The following GAS7 variants were observed in gnomAD, a reference collection of about 807,000 sequenced individuals.
GAS7 encodes growth arrest specific 7, also known as growth arrest-specific protein 7.
In GAS7, 28 loss-of-function variants were observed where a neutral mutation model predicts 71.1. That is an observed-to-expected ratio of 0.39 (90% CI 0.29 to 0.54). The LOEUF (loss-of-function observed/expected upper bound fraction) is 0.54, where lower values mean the gene tolerates loss of function less well. Ranked by LOEUF, GAS7 falls within the 20% of genes least tolerant of loss-of-function variation. The pLI, the probability that GAS7 is intolerant of heterozygous loss-of-function variation, is 0.62. For missense variants in GAS7, 436 were observed against 627.8 expected (o/e 0.69, Z 3.27); for synonymous variants, 258 against 245.8 (o/e 1.05, Z -0.46).
intron 5 of GAS7, among the ~76,000 whole-genome samples, chr17:9,955,267 TC>T (rs1219118577): frequency 6.6e-6 from 1 of 152,016 alleles, no homozygotes; most frequent in Non-Finnish European, 1.5e-5. Flanking sequence ...ATTCCTGTCC[TC>T]CCCCCGGTTA....
intron 1 of GAS7, among the ~76,000 whole-genome samples, chr17:10,183,263 A>G (rs551997299): frequency 1.3e-5 from 2 of 152,192 alleles, no homozygotes; most frequent in South Asian, 4.2e-4. Flanking sequence ...TGCATTTCAT[A>G]AGACTCACAA....
At chr17:10,114,040 G>A (rs919044943) in intron 1 of GAS7, among the ~76,000 whole-genome samples, 2 of 151,716 alleles carry the variant, frequency 1.3e-5, no homozygotes, top group Admixed American at 6.6e-5. Context: ...TCAGCCTCCC[G>A]AGTAGCTGGG....
At chr17:10,042,292 C>CAA (rs58391348) in intron 1 of GAS7, among the ~76,000 whole-genome samples, 1,031 of 95,358 alleles carry the variant, frequency 0.011, 17 homozygotes, top group East Asian at 0.087. Flanking sequence ...GAGACTCCGT[C>CAA]AAAAAAAAAA....
At chr17:9,987,155 T>G (rs2070680276) in intron 2 of GAS7, among the ~76,000 whole-genome samples, 1 of 152,244 alleles carries the variant, frequency 6.6e-6, no homozygotes. Context: ...TCCATCCCTG[T>G]GGTCTTAGGT....
chr17:10,005,344 CACAT>C (rs900530345), intron 2 of GAS7, among the ~76,000 whole-genome samples: 19 of 150,764 alleles, frequency 1.3e-4, no homozygotes, highest in Admixed American at 2.6e-4. Flanking sequence ...CACACACACA[CACAT>C]ATATATATAT....
chr17:10,137,202 T>A (rs1471257384), intron 1 of GAS7, among the ~76,000 whole-genome samples: 4 of 152,080 alleles, frequency 2.6e-5, no homozygotes, highest in Admixed American at 1.3e-4. Context: ...ATCACCGCCA[T>A]TCCTCAGGGT....
intron 4 of GAS7, among the ~76,000 whole-genome samples, chr17:9,960,610 C>T (rs1464052383): frequency 6.6e-6 from 1 of 152,192 alleles, no homozygotes; most frequent in Non-Finnish European, 1.5e-5. Context: ...GGGGGCACCC[C>T]GCCCCTCAGG....
At chr17:10,151,109 G>A (rs2074162620) in intron 1 of GAS7, among the ~76,000 whole-genome samples, 1 of 152,212 alleles carries the variant, frequency 6.6e-6, no homozygotes, top group South Asian at 2.1e-4. Context: ...GGCTGGTTCT[G>A]AGGTTCCCTG....
intron 1 of GAS7, among the ~76,000 whole-genome samples, chr17:10,150,591 C>CTTTTTCT (rs2074157755): frequency 1.7e-5 from 2 of 118,958 alleles, no homozygotes; most frequent in South Asian, 5.3e-4. Flanking sequence ...TGTTACATTT[C>CTTTTTCT]TTTTTTTTTT....
intron 1 of GAS7, among the ~76,000 whole-genome samples, chr17:10,152,014 C>A (rs2074170311): frequency 6.6e-6 from 1 of 152,190 alleles, no homozygotes; most frequent in Admixed American, 6.5e-5. Context: ...TAAGCCAACA[C>A]AAAGGAGGAT....
intron 1 of GAS7, among the ~76,000 whole-genome samples, chr17:10,094,815 G>A (rs1323958617): frequency 6.6e-6 from 1 of 152,070 alleles, no homozygotes; most frequent in Non-Finnish European, 1.5e-5. Flanking sequence ...GCCTCACGAG[G>A]GGATTAACAG....
In GAS7 at chr17:9,917,071, G is replaced by C; in HGVS notation, c.*157C>G. ...GCCTGGGAATATGGGGGAGCCCCCAGCTAGGCTGTCCGGGTCACCCTTCTG... is the reference window on the plus strand; with the variant it reads ...GCCTGGGAATATGGGGGAGCCCCCACCTAGGCTGTCCGGGTCACCCTTCTG... On this transcript the variant is annotated 3_prime_UTR_variant, in exon 14 of 14. Transcript: ENST00000432992. The C allele has an allele frequency of 1.6e-6, 1 of 618,822 alleles. No individual in the cohort carries two copies. Among genetic ancestry groups the C allele is most frequent in the South Asian group, 1.9e-5 (1 of 53,728 alleles). 38.3% of individuals were successfully genotyped at this position (618,822 alleles called of 1,614,324 possible). A position where few individuals can be genotyped will look rare whatever the true frequency, so the allele number is the denominator to read the frequency against.
intron 8 of GAS7, 69 bp downstream of exon 8, chr17:9,940,057 T>C (rs566654541): frequency 3.4e-6 from 3 of 887,966 alleles, no homozygotes; most frequent in East Asian, 2.4e-5. Flanking sequence ...TGATCAGTGA[T>C]AGTGGCTGAT....
chr17:9,969,057 C>A lies in GAS7; in HGVS notation c.471+620G>T, dbSNP rs541848716. On this transcript the variant is annotated intron_variant, in intron 4 of 13. Transcript: ENST00000432992. The surrounding 1 kb of genome is among the most constrained non-coding windows in gnomAD (Gnocchi z 5.5). ...CTGACATCAAGGTCCAGTCTAACCACTGAGTAATCCTGTGAGCCTGCACAG... is the reference window on the plus strand; with the variant it reads ...CTGACATCAAGGTCCAGTCTAACCAATGAGTAATCCTGTGAGCCTGCACAG... Among the ~76,000 whole-genome samples the A allele has an allele frequency of 6.0e-4, 92 of 152,340 alleles. No homozygotes were observed. Among genetic ancestry groups the A allele is most frequent in the Middle Eastern group, 6.8e-3 (2 of 294 alleles).
At chr17:10,140,824 C>G (rs566226001) in intron 1 of GAS7, among the ~76,000 whole-genome samples, 1 of 152,328 alleles carries the variant, frequency 6.6e-6, no homozygotes, top group South Asian at 2.1e-4. Context: ...TGCTACTCTG[C>G]CCCTCTAGGC....
At chr17:10,146,465 G>C (rs1336092682) in intron 1 of GAS7, among the ~76,000 whole-genome samples, 1 of 152,136 alleles carries the variant, frequency 6.6e-6, no homozygotes, top group Non-Finnish European at 1.5e-5. Flanking sequence ...TCGCCACTTA[G>C]TGTGGACCAC....
At chr17:10,155,880 G>T (rs924385781) in intron 1 of GAS7, among the ~76,000 whole-genome samples, 3 of 152,094 alleles carry the variant, frequency 2.0e-5, no homozygotes, top group Non-Finnish European at 4.4e-5. Flanking sequence ...ATCTGCCCAG[G>T]GACTCACAGC....
intron 1 of GAS7, chr17:10,059,740 T>G: frequency 1.0e-6 from 1 of 985,384 alleles, no homozygotes; most frequent in Non-Finnish European, 1.2e-6. Context: ...CTGGTCATTT[T>G]CTGCCACCAT....
intron 2 of GAS7, among the ~76,000 whole-genome samples, chr17:9,989,909 G>T (rs1440898205): frequency 6.6e-6 from 1 of 152,198 alleles, no homozygotes; most frequent in Non-Finnish European, 1.5e-5. Context: ...ATGAGCTTGG[G>T]GTCAGGAAGT....
Sources: allele counts gnomAD v4.1 joint callset (sites outside exome capture counted in the v4.1 genomes callset), GRCh38; gene constraint gnomAD v4.1.1; non-coding constraint Gnocchi (gnomAD v3.1); transcripts MANE v1.5; gene names NCBI Gene and HGNC (gene_info 2026-07-23, HGNC 2026-07-21).